The following ZNF777 variants were observed in gnomAD, a reference collection of about 807,000 sequenced individuals.
ZNF777 encodes zinc finger protein 777.
In ZNF777, 7 loss-of-function variants were observed where a neutral mutation model predicts 72.1. The ratio of observed to expected loss-of-function variants is 0.10; its 90% CI spans 0.06 to 0.18. ZNF777 has a LOEUF of 0.18. Among genes scored for constraint, ZNF777 ranks in the 10% least tolerant of loss-of-function variants. The probability of loss-of-function intolerance (pLI) is 1.00; values close to 1 mark genes in which losing one functional copy is unlikely to be tolerated. For synonymous variants in ZNF777, 545 were observed against 483.5 expected, an observed-to-expected ratio of 1.13 and a Z score of -1.67; for missense variants, 828 against 1,128.6, an observed-to-expected ratio of 0.73 and a Z score of 3.82.
rs1276672366 is a variant in ZNF777, at chr7:149,431,715, C to A, written c.*61G>T. The A allele has an allele frequency of 3.3e-6, 4 of 1,223,708 alleles. No homozygotes were observed. The African/African-American group carries it at 5.0e-5, about 15-fold the overall frequency. 75.8% of individuals were successfully genotyped at this position (1,223,708 alleles called of 1,614,324 possible). Reference sequence around the variant, plus strand: ...CCCCGCCCGCTGGGCTCGGGCCTGGCGGTGTCCGAGGGGGGGCACGGCCCG... The same window carrying A: ...CCCCGCCCGCTGGGCTCGGGCCTGGAGGTGTCCGAGGGGGGGCACGGCCCG... On this transcript the variant is annotated 3_prime_UTR_variant, in exon 6 of 6. Transcript: ENST00000247930.
At chr7:149,444,562 C>T (rs1033890918) in intron 4 of ZNF777, among the ~76,000 whole-genome samples, 12 of 152,186 alleles carry the variant, frequency 7.9e-5, no homozygotes, top group African/African-American at 1.2e-4. Context: ...TTTGGCAAAG[C>T]GCCTGCCCCA....
At chr7:149,459,078 G>A (rs952658591) in intron 1 of ZNF777, among the ~76,000 whole-genome samples, 1 of 152,170 alleles carries the variant, frequency 6.6e-6, no homozygotes, top group Non-Finnish European at 1.5e-5. Context: ...GGCCCCGAAG[G>A]CCTGAGCCCA....
In ZNF777 at chr7:149,431,387, T is replaced by C. The variant is rs1319440612; in HGVS notation, c.*389A>G. ...CTTCTTTTAAAAATTACTCTATTAT[T>C]ATCAAATAGAACCACAGTATCCAAA... On this transcript the variant is annotated 3_prime_UTR_variant, in exon 6 of 6. Transcript: ENST00000247930. The C allele has an allele frequency of 2.9e-5, 11 of 383,152 alleles. No homozygotes were observed. Among genetic ancestry groups the C allele is most frequent in the African/African-American group, 4.5e-5 (2 of 44,776 alleles). The allele number at this position is 383,152 out of a possible 1,614,324, so 23.7% of individuals were successfully genotyped here.
chr7:149,444,830 C>T (rs1417778605), intron 4 of ZNF777, among the ~76,000 whole-genome samples: 1 of 152,216 alleles, frequency 6.6e-6, no homozygotes, highest in Non-Finnish European at 1.5e-5. Context: ...CTCAGTTGCT[C>T]TGAAATTCCG....
intron 4 of ZNF777, among the ~76,000 whole-genome samples, chr7:149,444,725 C>T (rs1799575841): frequency 6.6e-6 from 1 of 152,190 alleles, no homozygotes; most frequent in Non-Finnish European, 1.5e-5. Context: ...CTTCTAGCTC[C>T]CAATGTGGTT....
intron 4 of ZNF777, among the ~76,000 whole-genome samples, chr7:149,439,190 T>A (rs1174984242): frequency 6.6e-6 from 1 of 152,000 alleles, no homozygotes; most frequent in Non-Finnish European, 1.5e-5. Context: ...GGAGTTTTGC[T>A]CCATTAGTTG....
At chr7:149,457,454 T>C (rs780478881) in intron 1 of ZNF777, among the ~76,000 whole-genome samples, 8 of 152,332 alleles carry the variant, frequency 5.3e-5, no homozygotes, top group Non-Finnish European at 8.8e-5. Context: ...ACATATAGTA[T>C]GTGTTTGATA....
intron 4 of ZNF777, among the ~76,000 whole-genome samples, chr7:149,443,888 C>T (rs1040583487): frequency 2.0e-5 from 3 of 152,224 alleles, no homozygotes; most frequent in East Asian, 1.9e-4. Context: ...CCACCACACC[C>T]GGCCCAAAAC....
chr7:149,460,172 C>G lies in ZNF777; in HGVS notation c.-16+643G>C, dbSNP rs1484086263. 3.3e-6 allele frequency: 3 copies of G among 896,396 alleles called. No homozygotes were observed. The highest frequency in any genetic ancestry group is 3.6e-5 in the African/African-American group (2 of 55,090). 55.5% of individuals were successfully genotyped at this position (896,396 alleles called of 1,614,324 possible). On this transcript the variant is annotated intron_variant, in intron 1 of 5. Transcript: ENST00000247930. The surrounding 1 kb of genome is among the most constrained non-coding windows in gnomAD (Gnocchi z 6.1). ...GGCCCTGCGCTGTCCGGCCCGGGCCCCCGGAGTCGCCGCCGCTACTGCCGC... is the reference window on the plus strand; with the variant it reads ...GGCCCTGCGCTGTCCGGCCCGGGCCGCCGGAGTCGCCGCCGCTACTGCCGC...
At chr7:149,438,909 C>T (rs1240689379) in intron 4 of ZNF777, among the ~76,000 whole-genome samples, 1 of 152,046 alleles carries the variant, frequency 6.6e-6, no homozygotes, top group African/African-American at 2.4e-5. Flanking sequence ...TCTCATTTAC[C>T]CCCCCGCCAC....
rs1219870908 is a variant in ZNF777, at chr7:149,436,128, G to A, written c.1339+447C>T. Among the ~76,000 whole-genome samples, 1 of 152,174 alleles carries A rather than the reference G, an allele frequency of 6.6e-6. No homozygotes were observed. The highest frequency in any genetic ancestry group is 1.5e-5 in the Non-Finnish European group (1 of 68,034). On this transcript the variant is annotated intron_variant, in intron 5 of 5. Transcript: ENST00000247930. This position sits in a 1 kb window ranked among gnomAD's most constrained non-coding sequence, Gnocchi z 5.0. ...ATAATTAAACAAAAATGAAGACTAGGTTCGACCACAGAATGCCGGTGCTAT... is the reference window on the plus strand; with the variant it reads ...ATAATTAAACAAAAATGAAGACTAGATTCGACCACAGAATGCCGGTGCTAT...
chr7:149,450,914 C>G, intron 4 of ZNF777, 85 bp downstream of exon 4: 1 of 1,259,712 alleles, frequency 7.9e-7, no homozygotes. Context: ...CAGGGCCTAC[C>G]TTGGATTGTG....
At chr7:149,453,053 T>C (rs1484114523) in intron 3 of ZNF777, among the ~76,000 whole-genome samples, 1 of 152,060 alleles carries the variant, frequency 6.6e-6, no homozygotes, top group Non-Finnish European at 1.5e-5. Context: ...CCCCCTACAT[T>C]AGGTAAAATA....
chr7:149,437,556 C>A (rs1799435222), intron 4 of ZNF777, among the ~76,000 whole-genome samples: 1 of 152,168 alleles, frequency 6.6e-6, no homozygotes, highest in Non-Finnish European at 1.5e-5. Context: ...TCTAAACTTG[C>A]CTATAGGTCT....
Position 149,460,095 on chromosome 7 carries a change from C to A in ZNF777, c.-16+720G>T. 7.1e-6 allele frequency: 7 copies of A among 982,216 alleles called. No homozygotes were observed. The highest frequency in any genetic ancestry group is 4.7e-5 in the South Asian group (1 of 21,266). 60.8% of individuals were successfully genotyped at this position (982,216 alleles called of 1,614,324 possible). A position where few individuals can be genotyped will look rare whatever the true frequency, so the allele number is the denominator to read the frequency against. ...CCGTCCCCGGGGCCCCGAGGCCGCGCGTCCGTGCGCGCGCGGGCCGCCCTC... is the reference window on the plus strand; with the variant it reads ...CCGTCCCCGGGGCCCCGAGGCCGCGAGTCCGTGCGCGCGCGGGCCGCCCTC... On this transcript the variant is annotated intron_variant, in intron 1 of 5. Coordinates refer to ENST00000247930, the MANE Select transcript of ZNF777 (RefSeq NM_015694.3). This position sits in a 1 kb window ranked among gnomAD's most constrained non-coding sequence, Gnocchi z 6.1.
At chr7:149,451,903 A>G (rs999872491) in intron 3 of ZNF777, among the ~76,000 whole-genome samples, 6 of 152,364 alleles carry the variant, frequency 3.9e-5, no homozygotes, top group African/African-American at 1.4e-4. Flanking sequence ...TTCTATAACT[A>G]GTAAAATTGC....
At chr7:149,452,066 C>G (rs945957169) in intron 3 of ZNF777, among the ~76,000 whole-genome samples, 1 of 151,344 alleles carries the variant, frequency 6.6e-6, no homozygotes, top group Non-Finnish European at 1.5e-5. Flanking sequence ...GAGATCGAGA[C>G]CATCCTGGCT....
At chr7:149,433,074 A>C in intron 5 of ZNF777, 142 bp from the exon 6 acceptor site, 1 of 1,307,844 alleles carries the variant, frequency 7.6e-7, no homozygotes, top group South Asian at 1.9e-5. Context: ...AAGTCCCCTC[A>C]TTGCGTCCCC....
intron 3 of ZNF777, 37 bp downstream of exon 3, chr7:149,454,074 T>TC: frequency 6.2e-7 from 1 of 1,612,640 alleles, no homozygotes. Context: ...TGAGCTGGCG[T>TC]CCAGGCAGCC....
Sources: allele counts gnomAD v4.1 joint callset (sites outside exome capture counted in the v4.1 genomes callset), GRCh38; gene constraint gnomAD v4.1.1; non-coding constraint Gnocchi (gnomAD v3.1); transcripts MANE v1.5; gene names NCBI Gene and HGNC (gene_info 2026-07-23, HGNC 2026-07-21).